LEMD1: variants seen among roughly 807,000 people sequenced by gnomAD.
The protein encoded by LEMD1 is LEM domain-containing protein 1.
In LEMD1, 18 loss-of-function variants were observed where a neutral mutation model predicts 17.4. The ratio of observed to expected loss-of-function variants is 1.04; its 90% confidence interval spans 0.72 to 1.54. The LOEUF is 1.54. Among genes scored for constraint, LEMD1 ranks in the 40% most tolerant of loss-of-function variants. LEMD1 has a pLI of 0.00. For synonymous variants in LEMD1, 88 were observed against 77.8 expected (o/e 1.13, Z -0.69); for missense variants, 195 against 210.4 (o/e 0.93, Z 0.45).
At chr1:205,383,207 C>T (rs998699470) in intron 5 of LEMD1, among the ~76,000 whole-genome samples, 18 of 152,128 alleles carry the variant, frequency 1.2e-4, no homozygotes, top group African/African-American at 2.2e-4. Flanking sequence ...AATCCTTCTG[C>T]GTCAGCCTCC....
At chr1:205,439,934 G>A (rs1666265628) in intron 1 of LEMD1, among the ~76,000 whole-genome samples, 1 of 152,022 alleles carries the variant, frequency 6.6e-6, no homozygotes, top group Admixed American at 6.6e-5. Flanking sequence ...TGGGGGTAAG[G>A]GCAGAGGCTG....
At chr1:205,419,047 A>G (rs16855558) in intron 3 of LEMD1, among the ~76,000 whole-genome samples, 183 bp downstream of exon 3, 8,328 of 152,362 alleles carry the variant, frequency 0.055, 306 homozygotes, top group Non-Finnish European at 0.082. Context: ...GCGTGAATAC[A>G]GATGTGAAGT....
chr1:205,411,671 A>AAAAGAAAGAAAGAAAG (rs199610367), intron 4 of LEMD1, among the ~76,000 whole-genome samples: 16 of 146,164 alleles, frequency 1.1e-4, no homozygotes, highest in African/African-American at 4.1e-4. Context: ...AGAAAGAAAG[A>AAAAGAAAGAAAGAAAG]AAAGAAAGAA....
At chr1:205,406,523 T>G (rs535442042) in intron 4 of LEMD1, among the ~76,000 whole-genome samples, 6 of 152,218 alleles carry the variant, frequency 3.9e-5, no homozygotes, top group Non-Finnish European at 8.8e-5. Context: ...GTGTGGGATA[T>G]AATCTCCTGG....
intron 1 of LEMD1, among the ~76,000 whole-genome samples, chr1:205,443,496 AAAG>A (rs1558744404): frequency 2.0e-5 from 3 of 152,114 alleles, no homozygotes; most frequent in Non-Finnish European, 4.4e-5. Context: ...ACATCAGAGG[AAAG>A]GAGAGCTAAT....
chr1:205,408,060 G>A (rs763404553), intron 4 of LEMD1, among the ~76,000 whole-genome samples: 30 of 147,100 alleles, frequency 2.0e-4, no homozygotes, highest in Non-Finnish European at 4.4e-4. Flanking sequence ...GAAGGAGAAG[G>A]AAGAGATGAC....
intron 4 of LEMD1, among the ~76,000 whole-genome samples, chr1:205,397,262 G>GAT (rs778537331): frequency 2.0e-5 from 3 of 152,106 alleles, no homozygotes; most frequent in East Asian, 3.9e-4. Context: ...GTGGCCTTTT[G>GAT]ATATAATGGA....
chr1:205,413,843 AG>A (rs1665570777), intron 4 of LEMD1, among the ~76,000 whole-genome samples: 1 of 151,644 alleles, frequency 6.6e-6, no homozygotes, highest in South Asian at 2.1e-4. Flanking sequence ...TAGTAGAGAC[AG>A]GGTTTCGCCA....
chr1:205,386,688 C>A (rs1664046554), intron 4 of LEMD1: 2 of 152,188 alleles, frequency 1.3e-5, no homozygotes, highest in Admixed American at 6.6e-5. Context: ...AAGTTGTGCA[C>A]CATGCAAGAG....
chr1:205,425,154 C>T (rs1370665566), upstream of LEMD1, among the ~76,000 whole-genome samples: 1 of 152,200 alleles, frequency 6.6e-6, no homozygotes, highest in East Asian at 1.9e-4. Flanking sequence ...CTACACAGCA[C>T]TGACACTTTA....
chr1:205,419,488 C>CCCTGTCTCAAATAAA, intron 2 of LEMD1, 136 bp from the exon 3 acceptor site: 1 of 993,658 alleles, frequency 1.0e-6, no homozygotes, highest in Non-Finnish European at 1.5e-6. Flanking sequence ...TTATTTGAGA[C>CCCTGTCTCAAATAAA]AGGGTCTCAC....
intron 4 of LEMD1, among the ~76,000 whole-genome samples, chr1:205,412,590 A>G (rs750458925): frequency 7.2e-5 from 11 of 152,254 alleles, no homozygotes; most frequent in Non-Finnish European, 1.5e-4. Flanking sequence ...TTAAGTAATT[A>G]AAGTCTACAG....
upstream of LEMD1, among the ~76,000 whole-genome samples, chr1:205,425,686 CA>C (rs1014091165): frequency 6.6e-6 from 1 of 152,066 alleles, no homozygotes; most frequent in African/African-American, 2.4e-5. Flanking sequence ...TACTCAAATG[CA>C]GTGAAGGTTC....
intron 4 of LEMD1, chr1:205,386,636 A>AT (rs1664043418): frequency 6.6e-6 from 1 of 152,282 alleles, no homozygotes; most frequent in Non-Finnish European, 1.5e-5. Flanking sequence ...TGTTCTCAAC[A>AT]GTGGTTTAGC....
chr1:205,418,246 C>G (rs1481244590), intron 3 of LEMD1, among the ~76,000 whole-genome samples: 2 of 152,150 alleles, frequency 1.3e-5, no homozygotes. Context: ...TACTGTGGCT[C>G]ATAGAGAACT....
In LEMD1 at chr1:205,381,684, C is replaced by T. The variant is rs1663699856; in HGVS notation, c.520G>A (p.Val174Met). Residue 174 changes from valine to methionine, a missense_variant, in exon 6 of 6, where the codon GTG becomes ATG. Physicochemically the swap from Val to Met is conservative, Grantham distance 21. Coordinates refer to ENST00000367153, the MANE Select transcript of LEMD1 (RefSeq NM_001199050.2). ...FIIVVFVYLTVENKSLFG is the reference protein window; with the variant it reads ...FIIVVFVYLTMENKSLFG Reference sequence around the variant, plus strand: ...TAACCAAACAGCGACTTATTTTCCACAGTCAGGTAGACAAACACCACAATG... The same window carrying T: ...TAACCAAACAGCGACTTATTTTCCATAGTCAGGTAGACAAACACCACAATG... 1 of 1,614,228 alleles carries T rather than the reference C, an allele frequency of 6.2e-7. No individual in the cohort carries two copies. Among genetic ancestry groups the T allele is most frequent in the South Asian group, 1.1e-5 (1 of 91,086 alleles).
chr1:205,411,517 C>T (rs1210078575), intron 4 of LEMD1, among the ~76,000 whole-genome samples: 2 of 138,848 alleles, frequency 1.4e-5, no homozygotes, highest in Non-Finnish European at 3.0e-5. Flanking sequence ...GATTGTGCCA[C>T]TGCACTCCAG....
At chr1:205,384,064 T>C (rs1185559994) in intron 5 of LEMD1, among the ~76,000 whole-genome samples, 1 of 152,134 alleles carries the variant, frequency 6.6e-6, no homozygotes, top group Non-Finnish European at 1.5e-5. Flanking sequence ...ACTGCGACTT[T>C]TGCCCTGTCT....
chr1:205,413,065 G>A (rs569753396), intron 4 of LEMD1, among the ~76,000 whole-genome samples: 1 of 152,284 alleles, frequency 6.6e-6, no homozygotes, highest in South Asian at 2.1e-4. Flanking sequence ...GTTTAAACGG[G>A]AAGCTGAAGC....
Sources: gnomAD v4.1 joint callset for allele counts (sites outside exome capture counted in the v4.1 genomes callset) on GRCh38, gnomAD v4.1.1 for gene constraint, MANE v1.5 for transcripts, NCBI Gene and HGNC (gene_info 2026-07-23, HGNC 2026-07-21) for gene names.